The following SEMA6D variants were observed in gnomAD, a reference collection of about 807,000 sequenced individuals.
SEMA6D encodes semaphorin-6D.
A neutral mutation model predicts 106.6 loss-of-function variants in SEMA6D; 35 were observed. The ratio of observed to expected loss-of-function variants is 0.33; its 90% CI spans 0.25 to 0.44. SEMA6D has a LOEUF of 0.44. SEMA6D is among the 20% of genes least tolerant of loss of function. SEMA6D has a pLI of 1.00. For missense variants in SEMA6D, 1,185 were observed against 1,345.9 expected (o/e 0.88, Z 1.87); for synonymous variants, 499 against 487.7 (o/e 1.02, Z -0.31).
intron 2 of SEMA6D, among the ~76,000 whole-genome samples, chr15:47,461,403 A>G (rs776800236): frequency 6.6e-6 from 1 of 151,946 alleles, no homozygotes; most frequent in African/African-American, 2.4e-5. Flanking sequence ...CTCCCCCACT[A>G]TTATATCTGA....
At chr15:47,751,136 T>C (rs947853931) in intron 1 of SEMA6D, among the ~76,000 whole-genome samples, 1 of 152,028 alleles carries the variant, frequency 6.6e-6, no homozygotes, top group Non-Finnish European at 1.5e-5. Context: ...ATGACCTTCT[T>C]ATATTCCAAA....
intron 3 of SEMA6D, among the ~76,000 whole-genome samples, chr15:47,507,982 A>T (rs1268690645): frequency 6.6e-6 from 1 of 152,212 alleles, no homozygotes; most frequent in Non-Finnish European, 1.5e-5. Flanking sequence ...AATTAAGGAA[A>T]ATGTAAAGAG....
In SEMA6D at chr15:47,479,249, T is replaced by C. The variant is rs185063268; in HGVS notation, c.-87+8704T>C. 1.9e-4 allele frequency among the ~76,000 whole-genome samples: 29 copies of C among 152,300 alleles called. No individual in the cohort carries two copies. The East Asian group carries it at 2.9e-3, about 15-fold the overall frequency. ...GGGACAAAAATGTCCATTTTTGAAATCTTCCATGTCTTCTGCCTTGCTCGG... is the reference window on the plus strand; with the variant it reads ...GGGACAAAAATGTCCATTTTTGAAACCTTCCATGTCTTCTGCCTTGCTCGG... On this transcript the variant is annotated intron_variant, in intron 3 of 19. Transcript: ENST00000558014.
intron 4 of SEMA6D, 49 bp from the exon 5 acceptor site, chr15:47,761,109 A>C (rs774631553): frequency 2.5e-6 from 4 of 1,611,894 alleles, no homozygotes; most frequent in Non-Finnish European, 3.4e-6. Flanking sequence ...CTGCCTCCCC[A>C]AAAATGTTCG....
intron 4 of SEMA6D, among the ~76,000 whole-genome samples, chr15:47,672,448 C>T (rs994329820): frequency 6.6e-6 from 1 of 152,162 alleles, no homozygotes; most frequent in Non-Finnish European, 1.5e-5. Context: ...ACATAAAAGT[C>T]AATCACATGG....
chr15:47,343,714 C>T (rs1396052929), intron 1 of SEMA6D, among the ~76,000 whole-genome samples: 3 of 152,092 alleles, frequency 2.0e-5, no homozygotes, highest in Non-Finnish European at 4.4e-5. Flanking sequence ...CCGCAATAAA[C>T]ATACGTGTGT....
At position 47,363,052 on chromosome 15, in the gene SEMA6D, A is replaced by G. The variant is rs191166957; in HGVS notation, c.-238-49341A>G. 6.2e-4 allele frequency among the ~76,000 whole-genome samples: 94 copies of G among 152,090 alleles called. 1 individual carries two copies. The highest frequency in any genetic ancestry group is 2.2e-3 in the African/African-American group (92 of 41,538). On this transcript the variant is annotated intron_variant, in intron 1 of 19. Transcript: ENST00000558014. ...GTCTCCAAATAATAATAATAATATA[A>G]TAATAATTTTAATAGTATTCACTTA...
chr15:47,603,371 A>G (rs976578141), intron 4 of SEMA6D: 5 of 152,114 alleles, frequency 3.3e-5, no homozygotes, highest in African/African-American at 9.6e-5. Flanking sequence ...CTTTGTCCCT[A>G]TAGGAACTTC....
chr15:47,268,063 C>T (rs2034402078), intron 1 of SEMA6D, among the ~76,000 whole-genome samples: 1 of 152,106 alleles, frequency 6.6e-6, no homozygotes, highest in Non-Finnish European at 1.5e-5. Context: ...TCAAAGACCC[C>T]ACCCAAGACC....
intron 1 of SEMA6D, among the ~76,000 whole-genome samples, chr15:47,409,906 G>T (rs112658913): frequency 4.0e-4 from 61 of 152,114 alleles, no homozygotes; most frequent in East Asian, 2.1e-3. Context: ...TTGTGGGGGG[G>T]GTGGGGAGGC....
chr15:47,202,072 G>A (rs1482218856), intron 1 of SEMA6D, among the ~76,000 whole-genome samples: 1 of 151,930 alleles, frequency 6.6e-6, no homozygotes, highest in African/African-American at 2.4e-5. Flanking sequence ...GGAGCCACAA[G>A]CCTGTGGTCT....
intron 1 of SEMA6D, among the ~76,000 whole-genome samples, chr15:47,371,841 G>T (rs979405747): frequency 1.3e-5 from 2 of 152,108 alleles, no homozygotes; most frequent in African/African-American, 4.8e-5. Flanking sequence ...TGCTTGTCAG[G>T]CCTATGCTGA....
intron 1 of SEMA6D, among the ~76,000 whole-genome samples, chr15:47,367,233 T>A (rs2039062736): frequency 6.6e-6 from 1 of 152,194 alleles, no homozygotes; most frequent in African/African-American, 2.4e-5. Context: ...TTTCCCTGAC[T>A]GTCCTCCTTC....
At chr15:47,743,721 A>G (rs1243848553) in intron 1 of SEMA6D, among the ~76,000 whole-genome samples, 1 of 152,154 alleles carries the variant, frequency 6.6e-6, no homozygotes, top group Admixed American at 6.6e-5. Context: ...CAGCACATCC[A>G]AAGGCAGAAA....
At chr15:47,276,532 GA>G (rs1047625864) in intron 1 of SEMA6D, among the ~76,000 whole-genome samples, 1 of 152,074 alleles carries the variant, frequency 6.6e-6, no homozygotes, top group African/African-American at 2.4e-5. Context: ...TCTATAAATG[GA>G]AAAATAAACC....
intron 1 of SEMA6D, among the ~76,000 whole-genome samples, chr15:47,292,066 A>C (rs958840070): frequency 1.6e-4 from 25 of 152,266 alleles, no homozygotes; most frequent in Non-Finnish European, 2.9e-5. Flanking sequence ...CATTAAAATG[A>C]ATAAGTCATG....
chr15:47,735,663 A>T (rs2080402923), intron 1 of SEMA6D, among the ~76,000 whole-genome samples: 1 of 152,188 alleles, frequency 6.6e-6, no homozygotes, highest in East Asian at 1.9e-4. Flanking sequence ...CAAATTTAAG[A>T]TCACAAGAGA....
intron 4 of SEMA6D, among the ~76,000 whole-genome samples, chr15:47,647,828 T>C (rs770397454): frequency 6.6e-6 from 1 of 152,114 alleles, no homozygotes; most frequent in Non-Finnish European, 1.5e-5. Flanking sequence ...TAGCTTCCTA[T>C]ACATATTTGC....
intron 1 of SEMA6D, among the ~76,000 whole-genome samples, chr15:47,197,124 T>G (rs537937387): frequency 1.3e-5 from 2 of 152,156 alleles, no homozygotes; most frequent in African/African-American, 2.4e-5. Flanking sequence ...TTTTTTAGCT[T>G]CTTCTGTGGA....
Sources: allele counts gnomAD v4.1 joint callset (sites outside exome capture counted in the v4.1 genomes callset), GRCh38; gene constraint gnomAD v4.1.1; transcripts MANE v1.5; gene names NCBI Gene and HGNC (gene_info 2026-07-23, HGNC 2026-07-21).